The following FRMD4A variants were observed in gnomAD, a reference collection of about 807,000 sequenced individuals.
FRMD4A encodes FERM domain-containing protein 4A.
Under a neutral mutation model 129.1 loss-of-function variants are expected in FRMD4A, and 29 were observed. The observed-to-expected ratio is 0.22, with a 90% confidence interval of 0.17 to 0.31. FRMD4A has a LOEUF of 0.31. Ranked by LOEUF, FRMD4A falls within the 10% of genes least tolerant of loss-of-function variation. FRMD4A has a pLI of 1.00. For synonymous variants in FRMD4A, 634 were observed against 571.6 expected, an observed-to-expected ratio of 1.11 and a Z score of -1.56; for missense variants, 1,272 against 1,375.8, an observed-to-expected ratio of 0.92 and a Z score of 1.19.
intron 2 of FRMD4A, among the ~76,000 whole-genome samples, chr10:14,071,338 G>T (rs1835309306): frequency 6.6e-6 from 1 of 152,192 alleles, no homozygotes; most frequent in South Asian, 2.1e-4. Context: ...TAATGCAATT[G>T]ACCTCTAAAC....
chr10:13,731,634 AG>A (rs1036421480), intron 12 of FRMD4A, among the ~76,000 whole-genome samples: 2 of 142,110 alleles, frequency 1.4e-5, no homozygotes, highest in African/African-American at 5.3e-5. Context: ...GGGCAACAAG[AG>A]CAAGACTTCA....
At chr10:13,717,657 G>T in intron 12 of FRMD4A, among the ~76,000 whole-genome samples, 1 of 143,542 alleles carries the variant, frequency 7.0e-6, no homozygotes, top group African/African-American at 2.6e-5. Flanking sequence ...TGACTACTTT[G>T]GAGGACAGGC....
At chr10:14,241,467 G>A (rs572711250) in intron 2 of FRMD4A, among the ~76,000 whole-genome samples, 1 of 151,928 alleles carries the variant, frequency 6.6e-6, no homozygotes, top group African/African-American at 2.4e-5. Flanking sequence ...ATTTCCATTT[G>A]GCATGAAAGA....
chr10:13,789,191 A>G (rs2092935761), intron 5 of FRMD4A, among the ~76,000 whole-genome samples: 1 of 152,196 alleles, frequency 6.6e-6, no homozygotes. Context: ...CCTAGCTGAA[A>G]TATAGCAAGT....
intron 2 of FRMD4A, among the ~76,000 whole-genome samples, chr10:14,041,591 A>T (rs995457951): frequency 1.3e-5 from 2 of 152,228 alleles, no homozygotes; most frequent in African/African-American, 4.8e-5. Flanking sequence ...GAGCCCCAAA[A>T]GGCGTGACCA....
chr10:13,857,671 C>G (rs1013795009), intron 3 of FRMD4A, among the ~76,000 whole-genome samples: 4 of 152,180 alleles, frequency 2.6e-5, no homozygotes, highest in East Asian at 1.9e-4. Context: ...CATCACTTCC[C>G]CCATGAGCAG....
intron 2 of FRMD4A, among the ~76,000 whole-genome samples, chr10:14,258,833 T>G (rs972283821): frequency 6.6e-6 from 1 of 152,162 alleles, no homozygotes; most frequent in African/African-American, 2.4e-5. Flanking sequence ...GCCATAAAAA[T>G]AAATATTGAC....
intron 24 of FRMD4A, chr10:13,649,126 GT>G (rs2081341853): frequency 6.6e-6 from 1 of 152,124 alleles, no homozygotes; most frequent in South Asian, 2.1e-4. Flanking sequence ...ATGAAATGTA[GT>G]TGACTCTCTT....
At chr10:14,185,873 G>A (rs557603155) in intron 2 of FRMD4A, among the ~76,000 whole-genome samples, 3 of 152,354 alleles carry the variant, frequency 2.0e-5, no homozygotes, top group African/African-American at 4.8e-5. Context: ...GTTAGAGTGA[G>A]ATAAAGTGGT....
At chr10:13,753,880 T>C (rs1338828166) in intron 8 of FRMD4A, among the ~76,000 whole-genome samples, 2 of 152,326 alleles carry the variant, frequency 1.3e-5, no homozygotes, top group Middle Eastern at 3.4e-3. Context: ...TTAAGTTATA[T>C]AAGTAAGGAT....
At chr10:13,964,612 T>A (rs1339999778) in intron 2 of FRMD4A, among the ~76,000 whole-genome samples, 1 of 152,132 alleles carries the variant, frequency 6.6e-6, no homozygotes, top group East Asian at 1.9e-4. Flanking sequence ...ATTCATGCAT[T>A]CATTGCTTAC....
chr10:14,100,151 T>G (rs1221163530), intron 2 of FRMD4A, among the ~76,000 whole-genome samples: 1 of 152,256 alleles, frequency 6.6e-6, no homozygotes, highest in African/African-American at 2.4e-5. Context: ...CAACTTCATT[T>G]CCACTGTCTC....
intron 2 of FRMD4A, among the ~76,000 whole-genome samples, chr10:14,267,691 C>T (rs894759127): frequency 3.3e-5 from 5 of 152,124 alleles, no homozygotes; most frequent in African/African-American, 1.2e-4. Context: ...GTCAGGTTTG[C>T]GTTGGGATAA....
chr10:13,688,312 C>CA (rs1208652129), intron 15 of FRMD4A, among the ~76,000 whole-genome samples: 3 of 151,872 alleles, frequency 2.0e-5, no homozygotes, highest in Non-Finnish European at 4.4e-5. Flanking sequence ...CCAAACACCG[C>CA]ATGTTCTCAC....
intron 2 of FRMD4A, among the ~76,000 whole-genome samples, chr10:14,287,386 G>T (rs116823967): frequency 3.9e-4 from 59 of 152,302 alleles, no homozygotes; most frequent in African/African-American, 1.3e-3. Context: ...TTAGCATTGA[G>T]TTTTACAGTT....
intron 2 of FRMD4A, among the ~76,000 whole-genome samples, chr10:14,095,446 C>T (rs905596663): frequency 7.2e-5 from 11 of 152,210 alleles, no homozygotes; most frequent in African/African-American, 2.7e-4. Context: ...TTGTAATTTA[C>T]AGTTGTCGAT....
At chr10:13,816,248 G>C (rs1348122962) in intron 3 of FRMD4A, among the ~76,000 whole-genome samples, 1 of 152,214 alleles carries the variant, frequency 6.6e-6, no homozygotes, top group African/African-American at 2.4e-5. Context: ...GGAGAAAATA[G>C]ATCCCAGAAG....
rs774135964 is a variant in FRMD4A, at chr10:14,001,462, C to T, written c.46-142550G>A. Among the ~76,000 whole-genome samples the T allele has an allele frequency of 1.3e-5, 2 of 152,160 alleles. 1 individual carries two copies. Among genetic ancestry groups the T allele is most frequent in the South Asian group, 4.1e-4 (2 of 4,824 alleles). On this transcript the variant is annotated intron_variant, in intron 2 of 24. Transcript: ENST00000357447. Reference sequence around the variant, plus strand: ...GACCATTTGCATAGATATTTGCAATCCTGCTTTCCACACCAGCTTGAGGAA... The same window carrying T: ...GACCATTTGCATAGATATTTGCAATTCTGCTTTCCACACCAGCTTGAGGAA...
intron 2 of FRMD4A, among the ~76,000 whole-genome samples, chr10:13,967,819 G>A (rs115518471): frequency 0.015 from 2,351 of 152,368 alleles, 66 homozygotes; most frequent in African/African-American, 0.053. Context: ...GATGGGGCAG[G>A]CAGATGGCGT....
Sources: gnomAD v4.1 joint callset for allele counts (sites outside exome capture counted in the v4.1 genomes callset) on GRCh38, gnomAD v4.1.1 for gene constraint, MANE v1.5 for transcripts, NCBI Gene and HGNC (gene_info 2026-07-23, HGNC 2026-07-21) for gene names.